The following GSR variants were observed in gnomAD, a reference collection of about 807,000 sequenced individuals.
GSR encodes the protein glutathione reductase, mitochondrial.
A neutral mutation model predicts 56.5 loss-of-function variants in GSR; 48 were observed. The observed-to-expected ratio is 0.85, with a 90% CI of 0.67 to 1.08. The LOEUF (loss-of-function observed/expected upper bound fraction) is 1.08, where lower values mean the gene tolerates loss of function less well. Ranked by LOEUF, GSR falls within the 50% of genes least tolerant of loss-of-function variation. GSR has a pLI of 0.00. For missense variants in GSR, 694 were observed against 703.3 expected, an observed-to-expected ratio of 0.99 and a Z score of 0.15; for synonymous variants, 264 against 270.8, an observed-to-expected ratio of 0.97 and a Z score of 0.25.
At chr8:30,714,342 C>G (rs376718266) in intron 1 of GSR, among the ~76,000 whole-genome samples, 54 of 150,246 alleles carry the variant, frequency 3.6e-4, no homozygotes, top group African/African-American at 1.3e-3. Context: ...CCCCGAGTAG[C>G]TGGGACCACA....
intron 9 of GSR, among the ~76,000 whole-genome samples, chr8:30,687,810 G>GTAAGGC (rs1192140566): frequency 6.6e-6 from 1 of 152,094 alleles, no homozygotes; most frequent in African/African-American, 2.4e-5. Flanking sequence ...TGTTCATAAT[G>GTAAGGC]TAAGCTAGGG....
intron 3 of GSR, among the ~76,000 whole-genome samples, chr8:30,708,840 T>C (rs1804008941): frequency 6.6e-6 from 1 of 150,816 alleles, no homozygotes; most frequent in East Asian, 2.0e-4. Context: ...GTGCCTGTAG[T>C]CCCAGCTACT....
At position 30,712,101 on chromosome 8, in the gene GSR, AAAAG is replaced by A; in HGVS notation, c.307-17_307-14del. On this transcript the variant is annotated splice_polypyrimidine_tract_variant and intron_variant, in intron 1 of 12. Transcript: ENST00000221130. ...ATCCAACATTCACCTGGAAAAAAAA[AAAAG>A]AGACACACTTTAAGAATATTGAATT... 7.1e-7 allele frequency: 1 copy of A among 1,409,448 alleles called. No homozygotes were observed. Among genetic ancestry groups the A allele is most frequent in the Non-Finnish European group, 1.0e-6 (1 of 1,003,388 alleles). The allele number at this position is 1,409,448 out of a possible 1,614,324, so 87.3% of individuals were successfully genotyped here.
chr8:30,683,328 T>TG (rs956750705), intron 10 of GSR, among the ~76,000 whole-genome samples: 1 of 152,086 alleles, frequency 6.6e-6, no homozygotes, highest in African/African-American at 2.4e-5. Context: ...TATAAGGCCC[T>TG]GGGACACGCT....
chr8:30,689,968 T>TTA (rs529224884), intron 8 of GSR, among the ~76,000 whole-genome samples: 1 of 137,516 alleles, frequency 7.3e-6, no homozygotes, highest in East Asian at 2.0e-4. Flanking sequence ...TTTTTATTTA[T>TTA]TATATATATA....
rs754741581 is a variant in GSR at position 30,689,198 on chromosome 8, C to T, written c.1004G>A (p.Arg335Gln). Residue 335 changes from arginine to glutamine, a missense_variant, in exon 9 of 13, where the codon CGG becomes CAG. Arg to Gln is a conservative substitution (Grantham distance 43). Transcript: ENST00000221130. ...DVDCLLWAIG[R>Q]VPNTKDLSLN... ...ACTCAGGTCCTTGGTATTCGGGACC[C>T]GCCCAATGGCCCAGAGCAGGCAGTC... 3.7e-6 allele frequency: 6 copies of T among 1,613,880 alleles called. No individual in the cohort carries two copies. In the Middle Eastern group the frequency reaches 4.9e-4, roughly 133 times the overall value.
intron 4 of GSR, among the ~76,000 whole-genome samples, chr8:30,706,250 A>G (rs1168967244): frequency 6.6e-6 from 1 of 152,042 alleles, no homozygotes; most frequent in Admixed American, 6.6e-5. Flanking sequence ...CTGTAATCCC[A>G]GCACTTTGGG....
chr8:30,717,481 A>G (rs1406569630), intron 1 of GSR, among the ~76,000 whole-genome samples: 1 of 152,004 alleles, frequency 6.6e-6, no homozygotes, highest in Non-Finnish European at 1.5e-5. Context: ...CAAGTGAGCG[A>G]AGCTTCATAT....
At chr8:30,679,759 G>A in intron 12 of GSR, 90 bp from the exon 13 acceptor site, 1 of 1,186,654 alleles carries the variant, frequency 8.4e-7, no homozygotes, top group Non-Finnish European at 1.2e-6. Flanking sequence ...AGGCTGGAGT[G>A]CAATGGCATG....
At chr8:30,696,071 A>G (rs1405500966) in intron 7 of GSR, among the ~76,000 whole-genome samples, 1 of 152,088 alleles carries the variant, frequency 6.6e-6, no homozygotes, top group Non-Finnish European at 1.5e-5. Flanking sequence ...AAATTAACCT[A>G]ACAGTCTGTT....
intron 11 of GSR, among the ~76,000 whole-genome samples, chr8:30,681,342 C>T (rs1563524702): frequency 1.3e-5 from 2 of 151,998 alleles, no homozygotes; most frequent in Non-Finnish European, 2.9e-5. Flanking sequence ...CCAGCCTGGG[C>T]AACACAGTGA....
chr8:30,719,363 AC>A (rs1804451329), intron 1 of GSR, among the ~76,000 whole-genome samples: 2 of 151,650 alleles, frequency 1.3e-5, no homozygotes, highest in African/African-American at 4.8e-5. Flanking sequence ...TGATCCGCCC[AC>A]CTCGGCCTCC....
chr8:30,692,941 G>A lies in GSR; in HGVS notation c.882+28C>T, dbSNP rs774378975. 71 of 1,411,978 alleles carry A rather than the reference G, an allele frequency of 5.0e-5. No homozygotes were observed. In the Middle Eastern group the frequency reaches 5.3e-4, roughly 11 times the overall value. 87.5% of individuals were successfully genotyped at this position (1,411,978 alleles called of 1,614,324 possible). On this transcript the variant is annotated intron_variant, in intron 8 of 12. Coordinates refer to ENST00000221130, the MANE Select transcript of GSR (RefSeq NM_000637.5). ...CAGAAAGTGTGATTGACTGGGGGCC[G>A]CGTGCATGCCTGGGCTTGGCACTGT... is the stretch of plus-strand genomic sequence containing the variant.
At position 30,703,103 on chromosome 8, in the gene GSR, G is replaced by C. The variant is rs767239004; in HGVS notation, c.630C>G (p.Ser210Arg). ...TGGMPSTPHESQIPGASLGIT... is the reference protein window; with the variant it reads ...TGGMPSTPHERQIPGASLGIT... ...TGTTGTATGACTCACCGGGGATCTG[G>C]CTCTCATGAGGGGTGGAGGGCATAC... is the stretch of plus-strand genomic sequence containing the variant. Residue 210 changes from serine (S) to arginine (R), a missense_variant, in exon 5 of 13, where the codon AGC becomes AGG. Physicochemically the swap from Ser to Arg is moderately radical, Grantham distance 110 (BLOSUM62 -1). Coordinates refer to ENST00000221130, the MANE Select transcript of GSR (RefSeq NM_000637.5). The C allele has an allele frequency of 1.9e-6, 3 of 1,614,080 alleles. No homozygotes were observed. The highest frequency in any genetic ancestry group is 1.7e-6 in the Non-Finnish European group (2 of 1,179,968).
intron 1 of GSR, among the ~76,000 whole-genome samples, chr8:30,719,978 G>A (rs1804474444): frequency 6.6e-6 from 1 of 152,126 alleles, no homozygotes; most frequent in Non-Finnish European, 1.5e-5. Context: ...TGGGAGGTGA[G>A]GTGGGAGGAC....
intron 9 of GSR, among the ~76,000 whole-genome samples, chr8:30,685,984 T>TGAAAA (rs1354936663): frequency 5.1e-5 from 1 of 19,578 alleles, no homozygotes; most frequent in African/African-American, 2.5e-4. Context: ...AGACTCTGCC[T>TGAAAA]CAAAAAAAAA....
At chr8:30,683,863 T>G (rs1251859667) in intron 10 of GSR, among the ~76,000 whole-genome samples, 1 of 152,194 alleles carries the variant, frequency 6.6e-6, no homozygotes. Context: ...GGTGATCATA[T>G]TGTCTACATG....
intron 4 of GSR, among the ~76,000 whole-genome samples, chr8:30,705,844 T>C (rs1392072592): frequency 6.6e-6 from 1 of 152,174 alleles, no homozygotes; most frequent in Non-Finnish European, 1.5e-5. Context: ...CTTTAAATAT[T>C]TTTCCCCCTG....
At position 30,727,534 on chromosome 8, in the gene GSR, G is replaced by C. The variant is rs1375594360; in HGVS notation, c.302C>G (p.Thr101Ser). 1 of 1,537,340 alleles carries C rather than the reference G, an allele frequency of 6.5e-7. No individual in the cohort carries two copies. The highest frequency in any genetic ancestry group is 8.7e-7 in the Non-Finnish European group (1 of 1,145,162). Residue 101 changes from threonine (T) to serine (S), a missense_variant, in exon 1 of 13, where the codon ACT (threonine) becomes AGT (serine). Coordinates refer to ENST00000221130, the MANE Select transcript of GSR (RefSeq NM_000637.5). ...AVVESHKLGGTCVNVGCVPKK... is the reference protein window; with the variant it reads ...AVVESHKLGGSCVNVGCVPKK... The stretch of plus-strand genomic sequence containing the variant: ...GAACAAACCGGCGGTACTCACGCAA[G>C]TGCCACCCAGCTTGTGGCTCTCCAC...
Sources: allele counts gnomAD v4.1 joint callset (sites outside exome capture counted in the v4.1 genomes callset), GRCh38; gene constraint gnomAD v4.1.1; transcripts MANE v1.5; gene names NCBI Gene and HGNC (gene_info 2026-07-23, HGNC 2026-07-21).